The following IL1RAPL1 variants were observed in gnomAD, a reference collection of about 807,000 sequenced individuals.
IL1RAPL1 encodes interleukin 1 receptor accessory protein like 1, also known as interleukin-1 receptor accessory protein-like 1.
IL1RAPL1 carries 3 observed loss-of-function variants against 48.4 expected under a neutral mutation model. The ratio of observed to expected loss-of-function variants is 0.06; its 90% CI spans 0.03 to 0.16. The LOEUF (loss-of-function observed/expected upper bound fraction) is 0.16, where lower values mean the gene tolerates loss of function less well. Ranked by LOEUF, IL1RAPL1 falls within the 10% of genes least tolerant of loss-of-function variation. IL1RAPL1 has a pLI of 1.00. For missense variants in IL1RAPL1, 349 were observed against 530.6 expected (o/e 0.66, Z 3.36); for synonymous variants, 185 against 187.7 (o/e 0.99, Z 0.12).
In IL1RAPL1 at chrX:29,552,173, C is replaced by T. The variant is rs200781023; in HGVS notation, c.704-116257C>T. Among the ~76,000 whole-genome samples, 4 of 111,264 alleles carry T rather than the reference C, an allele frequency of 3.6e-5. No individual in the cohort carries two copies. In the East Asian group the frequency reaches 8.4e-4, roughly 23 times the overall value. The stretch of plus-strand genomic sequence containing the variant: ...CCACATTTCCTCCACCTCCCCTCCC[C>T]TTATGAAGAAGAATATATAAACATT... On this transcript the variant is annotated intron_variant, in intron 5 of 10. Transcript: ENST00000378993.
chrX:29,411,346 T>C (rs1475380063), intron 5 of IL1RAPL1, among the ~76,000 whole-genome samples: 2 of 112,465 alleles, frequency 1.8e-5, no homozygotes, highest in Non-Finnish European at 3.7e-5. Context: ...GATGCCTGTG[T>C]GAGAGCATAA....
rs746407014 is a variant in IL1RAPL1, at chrX:29,406,210, G to A, written c.703+6902G>A. On this transcript the variant is annotated intron_variant, in intron 5 of 10. Transcript: ENST00000378993. The stretch of plus-strand genomic sequence containing the variant: ...CAAGACCATCCTGGCTAACATGGTG[G>A]AACCCTGTCTCTACTAAAAATACAA... Among the ~76,000 whole-genome samples the A allele has an allele frequency of 4.6e-3, 506 of 110,851 alleles. 4 individuals carry two copies. Among genetic ancestry groups the A allele is most frequent in the African/African-American group, 0.015 (470 of 30,470 alleles).
chrX:28,889,426 T>C (rs1345275359), intron 2 of IL1RAPL1, among the ~76,000 whole-genome samples: 4 of 111,419 alleles, frequency 3.6e-5, no homozygotes, highest in African/African-American at 1.3e-4. Context: ...CACTAAAATA[T>C]TTTAGGATTT....
chrX:29,740,017 G>A (rs1213458505), intron 6 of IL1RAPL1, among the ~76,000 whole-genome samples: 2 of 106,360 alleles, frequency 1.9e-5, no homozygotes, highest in African/African-American at 6.9e-5. Flanking sequence ...CCGAGATCGC[G>A]CCATTACACT....
At chrX:29,673,480 T>C (rs1453188114) in intron 6 of IL1RAPL1, among the ~76,000 whole-genome samples, 1 of 111,351 alleles carries the variant, frequency 9.0e-6, no homozygotes, top group Non-Finnish European at 1.9e-5. Context: ...TACCGGATCA[T>C]AGAGCATATA....
At chrX:29,926,353 C>G (rs1481962738) in intron 8 of IL1RAPL1, among the ~76,000 whole-genome samples, 1 of 111,682 alleles carries the variant, frequency 9.0e-6, no homozygotes, top group African/African-American at 3.3e-5. Flanking sequence ...TGTCGAGGGC[C>G]AAGAATAATA....
chrX:29,722,046 C>T (rs781340666), intron 6 of IL1RAPL1, among the ~76,000 whole-genome samples: 1 of 111,439 alleles, frequency 9.0e-6, no homozygotes, highest in East Asian at 2.8e-4. Flanking sequence ...GCCCACTTTT[C>T]TATTGGTATG....
chrX:28,817,530 G>A (rs1295518460), intron 2 of IL1RAPL1, among the ~76,000 whole-genome samples: 1 of 111,293 alleles, frequency 9.0e-6, no homozygotes, highest in Non-Finnish European at 1.9e-5. Flanking sequence ...TGTGCTTAGA[G>A]ACATTTCTGA....
At chrX:28,824,455 T>A (rs1205580884) in intron 2 of IL1RAPL1, among the ~76,000 whole-genome samples, 1 of 111,066 alleles carries the variant, frequency 9.0e-6, no homozygotes, top group Non-Finnish European at 1.9e-5. Flanking sequence ...ACAAATCCTA[T>A]GTGTCTCAAC....
At chrX:29,445,997 C>T (rs887725462) in intron 5 of IL1RAPL1, among the ~76,000 whole-genome samples, 9 of 111,892 alleles carry the variant, frequency 8.0e-5, no homozygotes, top group Non-Finnish European at 1.5e-4. Context: ...TTCTAGTACA[C>T]GACATACTGT....
At chrX:29,476,869 A>ATTTTTTTTTTTTTTTTT (rs1934980303) in intron 5 of IL1RAPL1, among the ~76,000 whole-genome samples, 3 of 49,341 alleles carry the variant, frequency 6.1e-5, no homozygotes, top group African/African-American at 3.7e-4. Context: ...TTTTACCCAT[A>ATTTTTTTTTTTTTTTTT]TTCTTTTTTT....
At chrX:29,176,260 A>AT (rs779013148) in intron 2 of IL1RAPL1, among the ~76,000 whole-genome samples, 40,797 of 90,753 alleles carry the variant, frequency 0.45, 8,243 homozygotes, top group Non-Finnish European at 0.53. Flanking sequence ...CGCCTGGCTA[A>AT]TTTTTTTTTT....
At chrX:28,727,314 C>T (rs375728421) in intron 1 of IL1RAPL1, among the ~76,000 whole-genome samples, 7 of 107,912 alleles carry the variant, frequency 6.5e-5, no homozygotes, top group African/African-American at 2.0e-4. Flanking sequence ...TGGGAGTTCA[C>T]TCATGATTTG....
At chrX:28,684,545 C>T (rs770686879) in intron 1 of IL1RAPL1, among the ~76,000 whole-genome samples, 4 of 111,908 alleles carry the variant, frequency 3.6e-5, no homozygotes, top group Non-Finnish European at 7.5e-5. Flanking sequence ...ACTTGAATTC[C>T]TATACTTTCT....
At chrX:29,597,743 T>C (rs1194417576) in intron 5 of IL1RAPL1, among the ~76,000 whole-genome samples, 1 of 112,142 alleles carries the variant, frequency 8.9e-6, no homozygotes, top group Non-Finnish European at 1.9e-5. Flanking sequence ...AGTTTCTTTA[T>C]CTTTCTGGTT....
intron 6 of IL1RAPL1, among the ~76,000 whole-genome samples, chrX:29,852,021 A>G (rs1390280503): frequency 2.7e-5 from 3 of 112,711 alleles, no homozygotes; most frequent in Non-Finnish European, 5.6e-5. Flanking sequence ...TCAAAGTCAC[A>G]CAGAGACTGC....
chrX:28,727,569 A>G (rs1332673335), intron 1 of IL1RAPL1, among the ~76,000 whole-genome samples: 2 of 105,412 alleles, frequency 1.9e-5, no homozygotes, highest in African/African-American at 3.5e-5. Context: ...TTCCAACACT[A>G]TGTTGAATAG....
intron 6 of IL1RAPL1, among the ~76,000 whole-genome samples, chrX:29,717,245 A>G (rs1041245005): frequency 4.8e-5 from 4 of 83,108 alleles, no homozygotes; most frequent in African/African-American, 2.2e-4. Context: ...CACGAACAAG[A>G]ATAAATAGGT....
chrX:29,073,341 T>C (rs1927605467), intron 2 of IL1RAPL1, among the ~76,000 whole-genome samples: 1 of 111,684 alleles, frequency 9.0e-6, no homozygotes, highest in African/African-American at 3.3e-5. Flanking sequence ...ATTGCAATAG[T>C]TTTTAACTTG....
Sources: gnomAD v4.1 joint callset for allele counts (sites outside exome capture counted in the v4.1 genomes callset) on GRCh38, gnomAD v4.1.1 for gene constraint, MANE v1.5 for transcripts, NCBI Gene and HGNC (gene_info 2026-07-23, HGNC 2026-07-21) for gene names.